Variants in BUD13 observed in about 807,000 individuals in gnomAD.
BUD13 encodes BUD13 homolog.
Under a neutral mutation model 62.5 loss-of-function variants are expected in BUD13, and 47 were observed. The ratio of observed to expected loss-of-function variants is 0.75; its 90% CI spans 0.60 to 0.96. The LOEUF is 0.96. Ranked by LOEUF, BUD13 falls within the 40% of genes least tolerant of loss-of-function variation. BUD13 has a pLI of 0.00. For synonymous variants in BUD13, 293 were observed against 280.1 expected, an observed-to-expected ratio of 1.05 and a Z score of -0.46; for missense variants, 821 against 790.9, an observed-to-expected ratio of 1.04 and a Z score of -0.46.
intron 2 of BUD13, among the ~76,000 whole-genome samples, chr11:116,766,123 G>A (rs779364015): frequency 1.3e-5 from 2 of 152,122 alleles, no homozygotes; most frequent in East Asian, 3.8e-4. Flanking sequence ...TACTAGTACC[G>A]TATCTGCCTT....
rs368616460 is a variant in BUD13, at chr11:116,765,387, G to A, written c.297C>T (p.Ser99=). 30 of 1,614,000 alleles carry A rather than the reference G, an allele frequency of 1.9e-5. No individual in the cohort carries two copies. The highest frequency in any genetic ancestry group is 2.5e-5 in the Non-Finnish European group (30 of 1,180,000). Residue 99 remains serine, a synonymous_variant, in exon 3 of 10, where the codon TCC becomes TCT. Coordinates refer to ENST00000260210, the MANE Select transcript of BUD13 (RefSeq NM_032725.4). ...EEVKQMEAFR[S]SAKWKLLGGH... ...CTCCCAGAAGCTTCCATTTGGCACT[G>A]GAACGAAAGGCCTCCATCTGCTTTA... is the stretch of plus-strand genomic sequence containing the variant.
At chr11:116,772,039 G>A (rs148028577) in intron 1 of BUD13, among the ~76,000 whole-genome samples, 2,101 of 152,248 alleles carry the variant, frequency 0.014, 21 homozygotes, top group Non-Finnish European at 0.022. Flanking sequence ...ATCTAGACAT[G>A]GTCGTTTTTC....
intron 2 of BUD13, among the ~76,000 whole-genome samples, chr11:116,767,528 G>A (rs1940552095): frequency 7.0e-6 from 1 of 143,734 alleles, no homozygotes; most frequent in Non-Finnish European, 1.5e-5. Context: ...GGGAGGCGGA[G>A]CTTGCAGTGA....
intron 7 of BUD13, 117 bp downstream of exon 7, chr11:116,758,152 T>C: frequency 5.4e-6 from 8 of 1,484,534 alleles, no homozygotes; most frequent in Non-Finnish European, 7.3e-6. Flanking sequence ...CACACCAAAT[T>C]TCCCATTACT....
intron 9 of BUD13, 141 bp from the exon 10 acceptor site, chr11:116,748,716 G>A (rs1257979039): frequency 1.6e-5 from 14 of 863,874 alleles, no homozygotes; most frequent in East Asian, 8.0e-5. Context: ...GGCCGGGCAC[G>A]GCGGCTCACG....
In BUD13 at chr11:116,760,619, T is replaced by C. The variant is rs1565313195; in HGVS notation, c.1254+116A>G. On this transcript the variant is annotated intron_variant, in intron 5 of 9. Transcript: ENST00000260210. The stretch of plus-strand genomic sequence containing the variant: ...CCTCCAAAGGTCCTTTTAACTAAGA[T>C]TTACTACACTTCTCAGAGCTACATC... 11 of 1,204,438 alleles carry C rather than the reference T, an allele frequency of 9.1e-6. No individual in the cohort carries two copies. The East Asian group carries it at 1.9e-4, about 21-fold the overall frequency. The allele number at this position is 1,204,438 out of a possible 1,614,324, so 74.6% of individuals were successfully genotyped here.
At chr11:116,764,501 T>A (rs1312044119) in intron 3 of BUD13, among the ~76,000 whole-genome samples, 2 of 151,762 alleles carry the variant, frequency 1.3e-5, no homozygotes. Context: ...AGTGAGTGAG[T>A]GTGAGTGTGA....
intron 9 of BUD13, 22 bp from the exon 10 acceptor site, chr11:116,748,597 T>C (rs1289431568): frequency 6.2e-7 from 1 of 1,610,458 alleles, no homozygotes; most frequent in African/African-American, 1.3e-5. Context: ...AGAGACATAC[T>C]ATTCAGCTAG....
chr11:116,757,060 G>A, intron 9 of BUD13, 86 bp downstream of exon 9: 2 of 1,280,676 alleles, frequency 1.6e-6, no homozygotes, highest in South Asian at 2.5e-5. Context: ...GATTAAAGCA[G>A]AGAATGAAAT....
intron 1 of BUD13, among the ~76,000 whole-genome samples, chr11:116,770,655 T>C (rs779475770): frequency 1.1e-4 from 16 of 152,074 alleles, no homozygotes; most frequent in Non-Finnish European, 2.2e-4. Flanking sequence ...CTGCCACGCC[T>C]GGCTAATTTT....
In BUD13 at chr11:116,760,814, G is replaced by A; in HGVS notation, c.1175C>T (p.Pro392Leu). Residue 392 changes from proline to leucine, a missense_variant, in exon 5 of 10, where the codon CCA becomes CTA. Physicochemically the swap from Pro to Leu is moderately conservative, Grantham distance 98 (BLOSUM62 -3). Coordinates refer to ENST00000260210, the MANE Select transcript of BUD13 (RefSeq NM_032725.4). ...TTTGGTCCTCTGTCTCCTCCTTGGT[G>A]GAGAGAGGTCAGAATCAGAGCTCCG... ...RHRSSDSDLS[P>L]PRRRQRTKSS... The A allele has an allele frequency of 6.2e-7, 1 of 1,614,170 alleles. No homozygotes were observed. Among genetic ancestry groups the A allele is most frequent in the Non-Finnish European group, 8.5e-7 (1 of 1,180,016 alleles).
In BUD13 at chr11:116,759,067, T is replaced by C. The variant is rs1315482893; in HGVS notation, c.1360+7A>G. The C allele has an allele frequency of 2.5e-6, 4 of 1,611,886 alleles. No individual in the cohort carries two copies. The highest frequency in any genetic ancestry group is 2.2e-5 in the East Asian group (1 of 44,874). On this transcript the variant is annotated splice_region_variant and intron_variant, in intron 6 of 9. Coordinates refer to ENST00000260210, the MANE Select transcript of BUD13 (RefSeq NM_032725.4). ...CTAAATTGGTCTCTGCACTTTCATA[T>C]TTTTACCTTCAAATGCCATGGTTTC...
chr11:116,765,551 G>T (rs1940517969), intron 2 of BUD13, 105 bp from the exon 3 acceptor site: 1 of 1,190,382 alleles, frequency 8.4e-7, no homozygotes, highest in Admixed American at 1.9e-5. Flanking sequence ...TAACACAAGG[G>T]CGTACATATA....
In BUD13 at chr11:116,762,684, C is replaced by G; in HGVS notation, c.905G>C (p.Trp302Ser). ...CAAATGGGAGGCTCCTGACTCCTTCCAATGTGGAGAAGTCTTGCTAGAGGC... is the reference window on the plus strand; with the variant it reads ...CAAATGGGAGGCTCCTGACTCCTTCGAATGTGGAGAAGTCTTGCTAGAGGC... Reference protein sequence around the residue: ...ERASSKTSPHWKESGASHLSF... With the variant: ...ERASSKTSPHSKESGASHLSF... The change falls in exon 4 of 10, where the codon TGG (tryptophan) becomes TCG (serine). Residue 302 changes from tryptophan (W) to serine (S), a missense_variant. Trp to Ser is a radical substitution (Grantham distance 177). This residue lies in a region of BUD13 where 800 missense variants were observed against 739.2 expected (regional missense o/e 1.08). Coordinates refer to ENST00000260210, the MANE Select transcript of BUD13 (RefSeq NM_032725.4). 6.2e-7 allele frequency: 1 copy of G among 1,614,150 alleles called. No individual in the cohort carries two copies. Among genetic ancestry groups the G allele is most frequent in the Non-Finnish European group, 8.5e-7 (1 of 1,180,022 alleles).
chr11:116,772,290 G>C (rs535685492), intron 1 of BUD13, among the ~76,000 whole-genome samples: 1 of 152,160 alleles, frequency 6.6e-6, no homozygotes, highest in Non-Finnish European at 1.5e-5. Flanking sequence ...GTGTGGTGAG[G>C]CTTAAATAAA....
chr11:116,772,883 A>G lies in BUD13; in HGVS notation c.82T>C (p.Ser28Pro). ...SGADAGVDRG[S>P]ESGRKRRKKR... is the part of the protein sequence containing the mutation. The stretch of plus-strand genomic sequence containing the variant: ...TTGCGACGCTTGCGACCGGACTCAG[A>G]TCCCCGGTCGACGCCGGCATCTGCC... The change falls in exon 1 of 10, where the codon TCT becomes CCT. Residue 28 changes from serine (S) to proline (P), a missense_variant. Ser to Pro is a moderately conservative substitution (Grantham distance 74). This residue lies in a region of BUD13 where 800 missense variants were observed against 739.2 expected (regional missense o/e 1.08). Transcript: ENST00000260210. The G allele has an allele frequency of 6.3e-7, 1 of 1,591,228 alleles. No individual in the cohort carries two copies. The highest frequency in any genetic ancestry group is 8.5e-7 in the Non-Finnish European group (1 of 1,169,936).
chr11:116,772,347 A>G (rs535325287), intron 1 of BUD13, among the ~76,000 whole-genome samples: 2 of 152,228 alleles, frequency 1.3e-5, no homozygotes, highest in Non-Finnish European at 2.9e-5. Context: ...CAAGAAAAGT[A>G]TAACTATATA....
rs769739701 is a variant in BUD13, at chr11:116,748,570, T to C, written c.1772A>G (p.Asn591Ser). 11 of 1,614,062 alleles carry C rather than the reference T, an allele frequency of 6.8e-6. No homozygotes were observed. In the East Asian group the frequency reaches 1.1e-4, roughly 16 times the overall value. The change falls in exon 10 of 10, where the codon AAT (asparagine) becomes AGT (serine). Residue 591 changes from asparagine to serine, a missense_variant. Asn to Ser is a conservative substitution (Grantham distance 46). Coordinates refer to ENST00000260210, the MANE Select transcript of BUD13 (RefSeq NM_032725.4). The stretch of plus-strand genomic sequence containing the variant: ...GGCAAAGCGCTTCTGTTCAAATCCA[T>C]TGGATCTGCAATCAAAAGAGACATA... ...GYRWDGVDRS[N>S]GFEQKRFARL...
chr11:116,754,320 T>A (rs1940289139), intron 9 of BUD13, among the ~76,000 whole-genome samples: 1 of 152,246 alleles, frequency 6.6e-6, no homozygotes, highest in Non-Finnish European at 1.5e-5. Context: ...ATGTTGGGAT[T>A]ACAGGCATGA....
Sources: allele counts gnomAD v4.1 joint callset (sites outside exome capture counted in the v4.1 genomes callset), GRCh38; gene constraint gnomAD v4.1.1; regional missense constraint gnomAD v4.1.1; transcripts MANE v1.5; gene names NCBI Gene and HGNC (gene_info 2026-07-23, HGNC 2026-07-21).